The following ZNF469 variants were observed in gnomAD, a reference collection of about 807,000 sequenced individuals.
ZNF469 encodes zinc finger protein 469.
A neutral mutation model predicts 1.0 loss-of-function variants in ZNF469; 1 was observed. The ratio of observed to expected loss-of-function variants is 1.00; its 90% CI spans 0.35 to 4.73. The LOEUF (loss-of-function observed/expected upper bound fraction) is 4.73, where lower values mean the gene tolerates loss of function less well. ZNF469 is among the 30% of genes most tolerant of loss of function. The pLI, the probability that ZNF469 is intolerant of heterozygous loss-of-function variation, is 0.16. For synonymous variants in ZNF469, 2,703 were observed against 2,363.4 expected (o/e 1.14, Z -4.17); for missense variants, 6,100 against 5,356.3 (o/e 1.14, Z -4.33).
the ZNF469 span, among the ~76,000 whole-genome samples, chr16:88,338,513 A>G: frequency 6.6e-6 from 1 of 152,180 alleles, no homozygotes; most frequent in Non-Finnish European, 1.5e-5. Flanking sequence ...GGCCGTCTGT[A>G]GAGACTGTCT....
chr16:88,436,646 G>T lies in ZNF469; in HGVS notation c.9176G>T (p.Cys3059Phe). ...ACCAAGTTTGAGATGCAAGACCTGT[G>T]CTTTCTGGGACCCTTTGAAGACCCC... is the stretch of plus-strand genomic sequence containing the variant. Reference protein sequence around the residue: ...LSTKFEMQDLCFLGPFEDPVG... With the variant: ...LSTKFEMQDLFFLGPFEDPVG... Residue 3059 changes from cysteine (C) to phenylalanine (F), a missense_variant, in exon 3 of 3, where the codon TGC becomes TTC. Physicochemically the swap from Cys to Phe is radical, Grantham distance 205. Transcript: ENST00000565624. 1 of 1,550,376 alleles carries T rather than the reference G, an allele frequency of 6.5e-7. No homozygotes were observed. Among genetic ancestry groups the T allele is most frequent in the Non-Finnish European group, 8.7e-7 (1 of 1,146,962 alleles).
rs1270127794 is a variant in ZNF469, at chr16:88,437,693, C to T, written c.10223C>T (p.Ala3408Val). The T allele has an allele frequency of 6.5e-7, 1 of 1,549,640 alleles. No homozygotes were observed. The highest frequency in any genetic ancestry group is 1.4e-5 in the African/African-American group (1 of 73,038). ...HTPLYACELC[A>V]TVMRIIKKSF... is the part of the protein sequence containing the mutation. ...CCGCTGTATGCCTGCGAGCTCTGCG[C>T]CACGGTTATGCGCATCATCAAGAAG... Residue 3408 changes from alanine to valine, a missense_variant, in exon 3 of 3, where the codon GCC becomes GTC. Transcript: ENST00000565624.
chr16:88,346,257 T>A, the ZNF469 span, among the ~76,000 whole-genome samples: 1 of 152,280 alleles, frequency 6.6e-6, no homozygotes, highest in Admixed American at 6.5e-5. Flanking sequence ...GGGAGAAGCA[T>A]GGTCTCTGGC....
chr16:88,225,594 G>T, the ZNF469 span, among the ~76,000 whole-genome samples: 2 of 151,938 alleles, frequency 1.3e-5, no homozygotes, highest in African/African-American at 4.8e-5. Context: ...TGTGTCTGTG[G>T]CCCCCAAATG....
the ZNF469 span, among the ~76,000 whole-genome samples, chr16:88,372,558 C>T: frequency 6.6e-6 from 1 of 151,602 alleles, no homozygotes; most frequent in East Asian, 1.9e-4. Context: ...TCTTTACCAT[C>T]TTCACCATCA....
chr16:88,304,896 A>C, the ZNF469 span, among the ~76,000 whole-genome samples: 1 of 152,142 alleles, frequency 6.6e-6, no homozygotes, highest in Non-Finnish European at 1.5e-5. Context: ...CCCCTGCAAG[A>C]ATTTGGACAT....
At chr16:88,398,177 T>G (rs913120948) in intron 1 of ZNF469, among the ~76,000 whole-genome samples, 1 of 152,248 alleles carries the variant, frequency 6.6e-6, no homozygotes, top group Non-Finnish European at 1.5e-5. Flanking sequence ...TGCAGCTCTT[T>G]AGAGTGGCAG....
the ZNF469 span, among the ~76,000 whole-genome samples, chr16:88,252,730 A>C: frequency 3.9e-5 from 6 of 152,196 alleles, no homozygotes; most frequent in Non-Finnish European, 8.8e-5. Flanking sequence ...CATAACTTAC[A>C]GTAATAAGCA....
chr16:88,324,757 C>T, the ZNF469 span, among the ~76,000 whole-genome samples: 51 of 152,246 alleles, frequency 3.3e-4, no homozygotes, highest in Non-Finnish European at 4.9e-4. Context: ...GTTGCCATTG[C>T]GTTTGTAAAC....
chr16:88,409,161 C>G (rs1905082745), intron 1 of ZNF469, among the ~76,000 whole-genome samples: 1 of 152,194 alleles, frequency 6.6e-6, no homozygotes, highest in Non-Finnish European at 1.5e-5. Context: ...GGCTCGCCCA[C>G]CTGTGATGTG....
At chr16:88,143,710 T>C in the ZNF469 span, among the ~76,000 whole-genome samples, 1 of 152,272 alleles carries the variant, frequency 6.6e-6, no homozygotes, top group African/African-American at 2.4e-5. Flanking sequence ...ATCACACACG[T>C]TTGCTCTAAT....
the ZNF469 span, among the ~76,000 whole-genome samples, chr16:88,363,402 C>G: frequency 6.6e-6 from 1 of 152,214 alleles, no homozygotes; most frequent in Non-Finnish European, 1.5e-5. Context: ...GTTGGATAAA[C>G]TCAAAGTGAA....
intron 1 of ZNF469, among the ~76,000 whole-genome samples, chr16:88,422,122 T>C (rs1198418522): frequency 1.4e-5 from 2 of 144,922 alleles, no homozygotes; most frequent in South Asian, 4.4e-4. Flanking sequence ...AGTGGGTGGA[T>C]AGATGGGTGA....
At chr16:88,249,658 G>A in the ZNF469 span, among the ~76,000 whole-genome samples, 9 of 151,960 alleles carry the variant, frequency 5.9e-5, no homozygotes, top group East Asian at 1.9e-4. Flanking sequence ...GGATGGTCTC[G>A]ATCTCCTGAC....
At chr16:88,116,627 C>T in the ZNF469 span, among the ~76,000 whole-genome samples, 7 of 152,202 alleles carry the variant, frequency 4.6e-5, no homozygotes, top group Non-Finnish European at 8.8e-5. Context: ...GGCCACACCA[C>T]GGAACGCTAC....
chr16:88,406,796 G>A (rs1020009298), intron 1 of ZNF469, among the ~76,000 whole-genome samples: 9 of 152,144 alleles, frequency 5.9e-5, no homozygotes, highest in African/African-American at 1.9e-4. Flanking sequence ...GTTGTGCCTC[G>A]AGTACTGTTA....
rs1186075314 is a variant in ZNF469 at position 88,432,580 on chromosome 16, A to G, written c.5110A>G (p.Lys1704Glu). 2 of 1,550,438 alleles carry G rather than the reference A, an allele frequency of 1.3e-6. No individual in the cohort carries two copies. Among genetic ancestry groups the G allele is most frequent in the Admixed American group, 3.9e-5 (2 of 51,010 alleles). ...FQPVQKAGAS[K>E]TGLCQAEGDS... ...GCCAGTGCAGAAAGCCGGAGCCTCC[A>G]AGACTGGACTTTGCCAGGCAGAAGG... The change falls in exon 3 of 3, where the codon AAG becomes GAG. Residue 1704 changes from lysine to glutamate, a missense_variant. Physicochemically the swap from Lys to Glu is moderately conservative, Grantham distance 56 (BLOSUM62 1). Coordinates refer to ENST00000565624, the MANE Select transcript of ZNF469 (RefSeq NM_001367624.2).
In ZNF469 at chr16:88,439,831, A is replaced by G. The variant is rs537339757; in HGVS notation, c.*499A>G. The G allele has an allele frequency of 2.9e-4, 53 of 184,280 alleles. No individual in the cohort carries two copies. In the South Asian group the frequency reaches 4.3e-3, roughly 15 times the overall value. 11.4% of individuals were successfully genotyped at this position (184,280 alleles called of 1,614,324 possible). The stretch of plus-strand genomic sequence containing the variant: ...CACGTGGGGGAAGGCAGTGCTCACT[A>G]CTTAGAAGGGTTGCTTCTGAGCCGC... On this transcript the variant is annotated 3_prime_UTR_variant, in exon 3 of 3. Coordinates refer to ENST00000565624, the MANE Select transcript of ZNF469 (RefSeq NM_001367624.2).
chr16:88,360,131 G>A, the ZNF469 span, among the ~76,000 whole-genome samples: 1 of 152,118 alleles, frequency 6.6e-6, no homozygotes, highest in African/African-American at 2.4e-5. Context: ...TGGGATTACA[G>A]GCATGAGAAA....
Sources: gnomAD v4.1 joint callset for allele counts (sites outside exome capture counted in the v4.1 genomes callset) on GRCh38, gnomAD v4.1.1 for gene constraint, MANE v1.5 for transcripts, NCBI Gene and HGNC (gene_info 2026-07-23, HGNC 2026-07-21) for gene names.